The following ALG12 variants were observed in gnomAD, a reference collection of about 807,000 sequenced individuals.
The protein encoded by ALG12 is dol-P-Man:Man(7)GlcNAc(2)-PP-Dol alpha-1,6-mannosyltransferase.
In ALG12, 36 loss-of-function variants were observed where a neutral mutation model predicts 46.0. The observed-to-expected ratio is 0.78, with a 90% confidence interval of 0.60 to 1.03. The LOEUF is 1.03. Ranked by LOEUF, ALG12 falls within the 50% of genes least tolerant of loss-of-function variation. The pLI, the probability that ALG12 is intolerant of heterozygous loss-of-function variation, is 0.00. For missense variants in ALG12, 599 were observed against 633.5 expected (o/e 0.95, Z 0.58); for synonymous variants, 326 against 291.6 (o/e 1.12, Z -1.20).
chr22:49,883,093 C>T, the ALG12 span, among the ~76,000 whole-genome samples: 1 of 152,132 alleles, frequency 6.6e-6, no homozygotes, highest in African/African-American at 2.4e-5. Flanking sequence ...TTCATGTTCC[C>T]CAATCCTTTA....
At chr22:49,909,195 T>C (rs2060561074) in intron 6 of ALG12, 49 bp downstream of exon 6, 1 of 1,572,772 alleles carries the variant, frequency 6.4e-7, no homozygotes, top group Non-Finnish European at 8.7e-7. Flanking sequence ...CCAGGAGATG[T>C]GGCTGCAGGT....
Position 49,918,376 on chromosome 22 carries a change from A to C in ALG12, c.-192T>G. On this transcript the variant is annotated 5_prime_UTR_variant, in exon 1 of 10. Coordinates refer to ENST00000330817, the MANE Select transcript of ALG12 (RefSeq NM_024105.4). ...GAATCTAAAGTCCTTGCCCAAATCT[A>C]AAGTGGCTACCGCAGCCCCGGCCGC... 6.3e-6 allele frequency: 1 copy of C among 158,548 alleles called. No homozygotes were observed. The allele number at this position is 158,548 out of a possible 1,614,324, so 9.8% of individuals were successfully genotyped here.
the ALG12 span, among the ~76,000 whole-genome samples, chr22:49,861,290 C>A: frequency 6.7e-6 from 1 of 149,424 alleles, no homozygotes; most frequent in Admixed American, 6.7e-5. Context: ...TACAGGCACC[C>A]GCCACCACGC....
chr22:49,884,239 C>T, the ALG12 span: 2 of 1,600,262 alleles, frequency 1.2e-6, no homozygotes, highest in Non-Finnish European at 1.7e-6. Context: ...TCCACCACAG[C>T]CTGCGGACGC....
At chr22:49,908,616 C>T (rs1023559045) in intron 6 of ALG12, among the ~76,000 whole-genome samples, 7 of 145,078 alleles carry the variant, frequency 4.8e-5, no homozygotes, top group African/African-American at 8.1e-5. Context: ...TCCATCTATG[C>T]GTGTATGTTT....
the ALG12 span, among the ~76,000 whole-genome samples, chr22:49,864,950 C>CCGCCG: frequency 1.3e-5 from 1 of 74,736 alleles, no homozygotes; most frequent in African/African-American, 1.7e-4. Context: ...CCCCCCCCCC[C>CCGCCG]CCGTGAAGTC....
At chr22:49,880,748 C>A in the ALG12 span, among the ~76,000 whole-genome samples, 1 of 152,172 alleles carries the variant, frequency 6.6e-6, no homozygotes, top group African/African-American at 2.4e-5. Flanking sequence ...TTTTAGACTT[C>A]TGTTTATCAG....
chr22:49,908,198 A>G lies in ALG12; in HGVS notation c.769-254T>C, dbSNP rs929827992. 1.1e-4 allele frequency among the ~76,000 whole-genome samples: 16 copies of G among 152,230 alleles called. No individual in the cohort carries two copies. In the South Asian group the frequency reaches 1.2e-3, roughly 12 times the overall value. On this transcript the variant is annotated intron_variant, in intron 6 of 9. Transcript: ENST00000330817. ...GCAGGACCAAGGCAGCAAGGGCCAC[A>G]GGACGTTCGGTCTCTGTACCCTTTT...
downstream of ALG12, among the ~76,000 whole-genome samples, chr22:49,896,211 G>A (rs1433750855): frequency 6.6e-6 from 1 of 152,240 alleles, no homozygotes; most frequent in Admixed American, 6.5e-5. Context: ...GCTGACAACA[G>A]GGCCCTGGGC....
intron 3 of ALG12, among the ~76,000 whole-genome samples, chr22:49,913,179 G>C (rs2060589326): frequency 6.6e-6 from 1 of 152,248 alleles, no homozygotes; most frequent in Admixed American, 6.5e-5. Context: ...TAATTTCACA[G>C]TCAAGAGTGT....
the ALG12 span, among the ~76,000 whole-genome samples, chr22:49,871,350 G>A: frequency 6.6e-6 from 1 of 152,034 alleles, no homozygotes; most frequent in African/African-American, 2.4e-5. Flanking sequence ...GCTGGGTGTG[G>A]TGGCACGCAC....
chr22:49,916,808 G>A (rs1356817381), intron 1 of ALG12, among the ~76,000 whole-genome samples: 1 of 152,190 alleles, frequency 6.6e-6, no homozygotes, highest in East Asian at 1.9e-4. Flanking sequence ...AAATAAAACG[G>A]AACGGGGAGC....
intron 7 of ALG12, among the ~76,000 whole-genome samples, chr22:49,907,301 C>A (rs1474060395): frequency 6.6e-6 from 1 of 152,178 alleles, no homozygotes; most frequent in Non-Finnish European, 1.5e-5. Context: ...GAGACTGGGA[C>A]CGCTGGTGCA....
the ALG12 span, among the ~76,000 whole-genome samples, chr22:49,892,939 C>A: frequency 2.6e-5 from 4 of 152,182 alleles, no homozygotes; most frequent in Non-Finnish European, 5.9e-5. Context: ...CTGGAGTTTT[C>A]AGACACGGAC....
At chr22:49,866,623 C>T in the ALG12 span, among the ~76,000 whole-genome samples, 8 of 152,156 alleles carry the variant, frequency 5.3e-5, no homozygotes, top group East Asian at 1.9e-4. Flanking sequence ...AGGAAGTTAC[C>T]GTTTTCATTT....
chr22:49,900,018 G>C (rs947050092), downstream of ALG12, among the ~76,000 whole-genome samples: 15 of 152,132 alleles, frequency 9.9e-5, no homozygotes. Flanking sequence ...TTAAAAATTA[G>C]CTGGGCTTGG....
At chr22:49,918,241 G>C (rs1005313427) in intron 1 of ALG12, 22 bp downstream of exon 1, 1 of 152,328 alleles carries the variant, frequency 6.6e-6, no homozygotes, top group African/African-American at 2.4e-5. Context: ...TGAAGGCCCC[G>C]GTCGCGGCAG....
the ALG12 span, among the ~76,000 whole-genome samples, chr22:49,891,025 A>T: frequency 6.8e-6 from 1 of 147,826 alleles, no homozygotes; most frequent in Admixed American, 6.7e-5. Flanking sequence ...GCGAGACTCC[A>T]TCTCAAAAAA....
rs2060564620 is a variant in ALG12, at chr22:49,909,744, C to T, written c.664+150G>A. 9 of 1,129,606 alleles carry T rather than the reference C, an allele frequency of 8.0e-6. No individual in the cohort carries two copies. In the South Asian group the frequency reaches 1.3e-4, roughly 16 times the overall value. The allele number at this position is 1,129,606 out of a possible 1,614,324, so 70.0% of individuals were successfully genotyped here. Reference sequence around the variant, plus strand: ...GTGGGTCCCCCTGGAGATCCCCGGGCAGGGGGCTTAGGATTGAAATGTTTT... The same window carrying T: ...GTGGGTCCCCCTGGAGATCCCCGGGTAGGGGGCTTAGGATTGAAATGTTTT... On this transcript the variant is annotated intron_variant, in intron 5 of 9. Transcript: ENST00000330817.
Sources: gnomAD v4.1 joint callset for allele counts (sites outside exome capture counted in the v4.1 genomes callset) on GRCh38, gnomAD v4.1.1 for gene constraint, MANE v1.5 for transcripts, NCBI Gene and HGNC (gene_info 2026-07-23, HGNC 2026-07-21) for gene names.